Variants in PIK3R4 observed in about 807,000 individuals in gnomAD.
PIK3R4 encodes phosphoinositide-3-kinase regulatory subunit 4.
PIK3R4 carries 46 observed loss-of-function variants against 136.5 expected under a neutral mutation model. That is an observed-to-expected ratio of 0.34 (90% confidence interval 0.27 to 0.43). The LOEUF (loss-of-function observed/expected upper bound fraction) is 0.43. Ranked by LOEUF, PIK3R4 falls within the 20% of genes least tolerant of loss-of-function variation. PIK3R4 has a pLI of 1.00. For synonymous variants in PIK3R4, 557 were observed against 566.7 expected, an observed-to-expected ratio of 0.98 and a Z score of 0.24; for missense variants, 1,331 against 1,649.5, an observed-to-expected ratio of 0.81 and a Z score of 3.35.
At chr3:130,707,497 A>G (rs1448963914) in intron 10 of PIK3R4, among the ~76,000 whole-genome samples, 1 of 152,074 alleles carries the variant, frequency 6.6e-6, no homozygotes, top group Admixed American at 6.5e-5. Context: ...TATGCATTCT[A>G]TTCTATCAGT....
chr3:130,700,974 A>G (rs2066570848), intron 13 of PIK3R4, among the ~76,000 whole-genome samples: 1 of 152,196 alleles, frequency 6.6e-6, no homozygotes, highest in African/African-American at 2.4e-5. Context: ...CCCAAATTCT[A>G]TAAAGTCAGC....
chr3:130,691,716 A>C (rs573124235), intron 13 of PIK3R4, among the ~76,000 whole-genome samples: 2 of 147,666 alleles, frequency 1.4e-5, no homozygotes, highest in South Asian at 2.3e-4. Flanking sequence ...AAATACAGAA[A>C]TGTAAAAACA....
intron 6 of PIK3R4, among the ~76,000 whole-genome samples, chr3:130,726,679 G>A (rs1398789852): frequency 6.6e-6 from 1 of 151,850 alleles, no homozygotes; most frequent in African/African-American, 2.4e-5. Context: ...TCTGGTTTCC[G>A]TATTTTCCAA....
intron 2 of PIK3R4, among the ~76,000 whole-genome samples, chr3:130,742,163 C>A (rs558588180): frequency 6.6e-6 from 1 of 152,152 alleles, no homozygotes. Flanking sequence ...CACTCAAAAC[C>A]CAAACATTCA....
At chr3:130,689,458 A>C (rs2066505151) in intron 14 of PIK3R4, among the ~76,000 whole-genome samples, 1 of 152,228 alleles carries the variant, frequency 6.6e-6, no homozygotes, top group Non-Finnish European at 1.5e-5. Flanking sequence ...AAAGGCCATA[A>C]AGAATATGTC....
rs34809976 is a variant in PIK3R4, at chr3:130,725,585, G to GA, written c.1808-1999dup. Reference sequence around the variant, plus strand: ...GGAAGAGACTTTACATACAAAAGTAGAAAAAAAAAAATCACAAAGCAAAAA... The same window carrying GA: ...GGAAGAGACTTTACATACAAAAGTAGAAAAAAAAAAAATCACAAAGCAAAAA... On this transcript the variant is annotated intron_variant, in intron 6 of 19. Transcript: ENST00000356763. Among the ~76,000 whole-genome samples the GA allele has an allele frequency of 5.5e-3, 797 of 144,338 alleles. 4 individuals carry two copies. The highest frequency in any genetic ancestry group is 8.5e-3 in the Non-Finnish European group (559 of 65,404). The allele number at this position is 144,338 out of a possible 152,430, so 94.7% of individuals were successfully genotyped here. A position where few individuals can be genotyped will look rare whatever the true frequency, so the allele number is the denominator to read the frequency against.
At chr3:130,727,106 T>G (rs945450894) in intron 6 of PIK3R4, among the ~76,000 whole-genome samples, 3 of 152,226 alleles carry the variant, frequency 2.0e-5, no homozygotes, top group African/African-American at 4.8e-5. Flanking sequence ...AAACATATGA[T>G]AGCATTTGCA....
At chr3:130,713,753 A>T (rs1272249326) in intron 9 of PIK3R4, among the ~76,000 whole-genome samples, 1 of 152,062 alleles carries the variant, frequency 6.6e-6, no homozygotes, top group East Asian at 1.9e-4. Flanking sequence ...GCTCAATGCG[A>T]CCTCTGCCTC....
At chr3:130,716,319 T>C in intron 9 of PIK3R4, 77 bp downstream of exon 9, 1 of 1,214,660 alleles carries the variant, frequency 8.2e-7, no homozygotes, top group Non-Finnish European at 1.2e-6. Context: ...CAAAAACATT[T>C]TAAAAAACTA....
chr3:130,744,418 C>A, intron 2 of PIK3R4, 68 bp downstream of exon 2: 2 of 1,491,130 alleles, frequency 1.3e-6, no homozygotes, highest in Non-Finnish European at 1.8e-6. Flanking sequence ...CTAAAAAAAG[C>A]CACATTTCTG....
At chr3:130,716,098 A>C (rs914520088) in intron 9 of PIK3R4, among the ~76,000 whole-genome samples, 1 of 152,208 alleles carries the variant, frequency 6.6e-6, no homozygotes, top group African/African-American at 2.4e-5. Context: ...CAAGACTACT[A>C]ATTAAATCTA....
chr3:130,690,901 T>TC (rs1187384972), intron 13 of PIK3R4, among the ~76,000 whole-genome samples: 50 of 150,504 alleles, frequency 3.3e-4, no homozygotes, highest in Non-Finnish European at 5.6e-4. Context: ...CCTCTTTTTT[T>TC]TTTTTTTTTT....
At chr3:130,736,597 A>G (rs2066787203) in intron 2 of PIK3R4, among the ~76,000 whole-genome samples, 1 of 152,168 alleles carries the variant, frequency 6.6e-6, no homozygotes, top group Non-Finnish European at 1.5e-5. Context: ...AAAATAAAAT[A>G]AAATAAAATA....
Position 130,746,374 on chromosome 3 carries a change from G to A in PIK3R4, c.-103C>T, listed in dbSNP as rs991042947. The A allele has an allele frequency of 6.6e-6, 1 of 152,290 alleles. No homozygotes were observed. The highest frequency in any genetic ancestry group is 2.4e-5 in the African/African-American group (1 of 41,438). 9.4% of individuals were successfully genotyped at this position (152,290 alleles called of 1,614,324 possible). Reference sequence around the variant, plus strand: ...AGAGGCTCACAACGAGGTCATAGTAGACTACTTCGGGGACGGGACGGGAAA... The same window carrying A: ...AGAGGCTCACAACGAGGTCATAGTAAACTACTTCGGGGACGGGACGGGAAA... On this transcript the variant is annotated 5_prime_UTR_variant, in exon 1 of 20. Coordinates refer to ENST00000356763, the MANE Select transcript of PIK3R4 (RefSeq NM_014602.3).
chr3:130,721,663 C>T (rs932810092), intron 7 of PIK3R4, among the ~76,000 whole-genome samples: 5 of 151,980 alleles, frequency 3.3e-5, no homozygotes, highest in Non-Finnish European at 7.4e-5. Flanking sequence ...CTGTTATGAT[C>T]GAACTAATAC....
chr3:130,728,979 AC>A (rs1375152198), intron 5 of PIK3R4, among the ~76,000 whole-genome samples: 1 of 152,206 alleles, frequency 6.6e-6, no homozygotes, highest in Non-Finnish European at 1.5e-5. Context: ...ATAGAGAAGC[AC>A]CAGAAAGGAA....
chr3:130,732,093 T>G (rs1260249388), intron 4 of PIK3R4, among the ~76,000 whole-genome samples: 1 of 152,198 alleles, frequency 6.6e-6, no homozygotes, highest in Non-Finnish European at 1.5e-5. Context: ...AAAACCAAGG[T>G]GTAGAGCAGG....
chr3:130,701,147 A>G (rs1391154444), intron 13 of PIK3R4, among the ~76,000 whole-genome samples: 3 of 152,210 alleles, frequency 2.0e-5, no homozygotes, highest in Non-Finnish European at 4.4e-5. Flanking sequence ...GGGACAATGA[A>G]TCCAACTGAT....
chr3:130,701,502 ACTGTCT>A (rs2066574461), intron 13 of PIK3R4, among the ~76,000 whole-genome samples: 2 of 151,008 alleles, frequency 1.3e-5, no homozygotes, highest in Admixed American at 1.3e-4. Flanking sequence ...ACAGAGCGAG[ACTGTCT>A]CAAAAAAAAA....
Sources: gnomAD v4.1 joint callset for allele counts (sites outside exome capture counted in the v4.1 genomes callset) on GRCh38, gnomAD v4.1.1 for gene constraint, MANE v1.5 for transcripts, NCBI Gene and HGNC (gene_info 2026-07-23, HGNC 2026-07-21) for gene names.